ERICH3: variants seen among roughly 807,000 people sequenced by gnomAD.
ERICH3 encodes glutamate-rich protein 3.
ERICH3 carries 126 observed loss-of-function variants against 131.1 expected under a neutral mutation model. The observed-to-expected ratio is 0.96, with a 90% confidence interval of 0.83 to 1.11. The LOEUF (loss-of-function observed/expected upper bound fraction) is 1.11, where lower values mean the gene tolerates loss of function less well. Among genes scored for constraint, ERICH3 ranks in the 50% most tolerant of loss-of-function variants. ERICH3 has a pLI of 0.00. For missense variants in ERICH3, 2,050 were observed against 1,810.7 expected (o/e 1.13, Z -2.40); for synonymous variants, 695 against 644.6 (o/e 1.08, Z -1.18).
chr1:74,669,035 T>C (rs1417185089), intron 1 of ERICH3, among the ~76,000 whole-genome samples: 1 of 152,062 alleles, frequency 6.6e-6, no homozygotes, highest in Admixed American at 6.5e-5. Flanking sequence ...GGAAATAATG[T>C]GGTGGGTTTA....
chr1:74,588,346 A>C (rs1253019130), intron 12 of ERICH3, among the ~76,000 whole-genome samples: 1 of 152,120 alleles, frequency 6.6e-6, no homozygotes, highest in Non-Finnish European at 1.5e-5. Flanking sequence ...TGGTGTGCCA[A>C]GGCTTCCACT....
intron 8 of ERICH3, 35 bp from the exon 9 acceptor site, chr1:74,612,844 A>T: frequency 6.6e-7 from 1 of 1,507,374 alleles, no homozygotes; most frequent in Non-Finnish European, 9.1e-7. Flanking sequence ...AGTGAAAGCA[A>T]CTGACTTCGG....
In ERICH3 at chr1:74,588,696, C is replaced by T. The variant is rs1647448480; in HGVS notation, c.2176+935G>A. ...TGAACCAGTTCCAGGGCACAGGAGG[C>T]TAGGTGAGAGGCAAGCATCGGGCAG... On this transcript the variant is annotated intron_variant, in intron 12 of 14. Coordinates refer to ENST00000326665, the MANE Select transcript of ERICH3 (RefSeq NM_001002912.5). Among the ~76,000 whole-genome samples, 3 of 152,172 alleles carry T rather than the reference C, an allele frequency of 2.0e-5. No homozygotes were observed. The South Asian group carries it at 6.2e-4, about 32-fold the overall frequency.
At chr1:74,617,592 A>G (rs553822818) in intron 8 of ERICH3, among the ~76,000 whole-genome samples, 14 of 152,222 alleles carry the variant, frequency 9.2e-5, no homozygotes, top group Non-Finnish European at 1.9e-4. Context: ...AAAAAGACAA[A>G]AGACTACCCA....
intron 1 of ERICH3, among the ~76,000 whole-genome samples, chr1:74,650,297 T>C (rs1470976878): frequency 1.3e-5 from 2 of 152,210 alleles, no homozygotes; most frequent in African/African-American, 2.4e-5. Context: ...GTTGATTATA[T>C]GCTATACCTT....
Position 74,599,884 on chromosome 1 carries a change from A to T in ERICH3, c.1537T>A (p.Ser513Thr). The T allele has an allele frequency of 6.2e-7, 1 of 1,611,802 alleles. No homozygotes were observed. The highest frequency in any genetic ancestry group is 8.5e-7 in the Non-Finnish European group (1 of 1,178,718). Residue 513 changes from serine to threonine, a missense_variant, in exon 11 of 15, where the codon TCT (serine) becomes ACT (threonine). By Grantham distance (58) the Ser-to-Thr change is moderately conservative. Coordinates refer to ENST00000326665, the MANE Select transcript of ERICH3 (RefSeq NM_001002912.5). ...ACATCAGCCTGTCCTTCTTCATTAG[A>T]TTTTTCACCTTGTTTCTCCTCATCT... ...EVDEEKQGEKSNEEGQADVQM... is the reference protein window; with the variant it reads ...EVDEEKQGEKTNEEGQADVQM...
At chr1:74,614,923 A>T (rs543229645) in intron 8 of ERICH3, among the ~76,000 whole-genome samples, 1 of 152,148 alleles carries the variant, frequency 6.6e-6, no homozygotes, top group Non-Finnish European at 1.5e-5. Flanking sequence ...TAGAAGCTTG[A>T]GTCTACATTC....
intron 11 of ERICH3, among the ~76,000 whole-genome samples, chr1:74,596,756 G>T (rs1011032539): frequency 1.3e-5 from 2 of 152,012 alleles, no homozygotes; most frequent in Non-Finnish European, 2.9e-5. Flanking sequence ...CAACACAAAT[G>T]CAGAGAAAAG....
intron 11 of ERICH3, among the ~76,000 whole-genome samples, chr1:74,591,604 C>T (rs1570834028): frequency 1.3e-5 from 2 of 152,228 alleles, no homozygotes; most frequent in African/African-American, 2.4e-5. Context: ...GGCAGTGTGA[C>T]GACAGGGTGC....
intron 10 of ERICH3, among the ~76,000 whole-genome samples, chr1:74,600,435 C>A (rs1312357770): frequency 1.3e-5 from 2 of 151,614 alleles, no homozygotes; most frequent in African/African-American, 4.8e-5. Context: ...GTGAATAGCA[C>A]ATTATTTAAG....
intron 1 of ERICH3, among the ~76,000 whole-genome samples, chr1:74,662,459 G>GA (rs1048250600): frequency 5.3e-5 from 8 of 149,882 alleles, no homozygotes; most frequent in African/African-American, 9.8e-5. Context: ...GACTTCAACA[G>GA]AAAAAAAAAT....
chr1:74,628,980 T>A (rs1400923366), intron 7 of ERICH3, among the ~76,000 whole-genome samples: 1 of 151,790 alleles, frequency 6.6e-6, no homozygotes, highest in Non-Finnish European at 1.5e-5. Flanking sequence ...AAAATATGAG[T>A]AACATAATTA....
intron 1 of ERICH3, among the ~76,000 whole-genome samples, chr1:74,670,513 G>T (rs1040580003): frequency 6.6e-6 from 1 of 152,166 alleles, no homozygotes; most frequent in East Asian, 1.9e-4. Flanking sequence ...AAATTGTGAC[G>T]ATTTCATGAA....
At chr1:74,653,578 T>C (rs1288607621) in intron 1 of ERICH3, among the ~76,000 whole-genome samples, 1 of 152,134 alleles carries the variant, frequency 6.6e-6, no homozygotes, top group African/African-American at 2.4e-5. Context: ...ATTTTGCAGA[T>C]TACAAAGCAC....
At chr1:74,654,293 T>C (rs958071455) in intron 1 of ERICH3, among the ~76,000 whole-genome samples, 2 of 152,074 alleles carry the variant, frequency 1.3e-5, no homozygotes, top group Non-Finnish European at 2.9e-5. Context: ...TCCACATTTT[T>C]AGATATGTAT....
chr1:74,642,669 C>T lies in ERICH3; in HGVS notation c.315+358G>A, dbSNP rs1292732638. Among the ~76,000 whole-genome samples, 3 of 152,086 alleles carry T rather than the reference C, an allele frequency of 2.0e-5. No individual in the cohort carries two copies. The East Asian group carries it at 5.8e-4, about 29-fold the overall frequency. ...GTCATTGTATCATTCCTAAAAAGCC[C>T]TGTTTTCCATCAGGTTGGAAACACT... On this transcript the variant is annotated intron_variant, in intron 4 of 14. Coordinates refer to ENST00000326665, the MANE Select transcript of ERICH3 (RefSeq NM_001002912.5).
Position 74,569,462 on chromosome 1 carries a change from T to C in ERICH3, c.*996A>G, listed in dbSNP as rs1166722819. On this transcript the variant is annotated 3_prime_UTR_variant, in exon 15 of 15. Transcript: ENST00000326665. Reference sequence around the variant, plus strand: ...ACTAGAAAATAATATCAGGGAGTAATTTAGAATGCAGTTGTTACTGTTGAT... The same window carrying C: ...ACTAGAAAATAATATCAGGGAGTAACTTAGAATGCAGTTGTTACTGTTGAT... 6.6e-6 allele frequency: 1 copy of C among 152,008 alleles called. No individual in the cohort carries two copies. The highest frequency in any genetic ancestry group is 1.5e-5 in the Non-Finnish European group (1 of 68,004). 9.4% of individuals were successfully genotyped at this position (152,008 alleles called of 1,614,324 possible).
intron 11 of ERICH3, among the ~76,000 whole-genome samples, chr1:74,590,921 T>G (rs1160002390): frequency 3.3e-5 from 5 of 152,144 alleles, no homozygotes; most frequent in Non-Finnish European, 5.9e-5. Context: ...AATATTCACT[T>G]TGTTATAGAA....
rs12131196 is a variant in ERICH3, at chr1:74,571,323, C to G, written c.4387G>C (p.Asp1463His). ...GCTGCTCCTGTCTCCTGCCTCCCAT[C>G]GCCACTCCCAGTGGCTGCCTCCTGG... ...EGQEAATGSG[D>H]GRQETGAAEK... Residue 1463 changes from aspartate (D) to histidine (H), a missense_variant, in exon 14 of 15, where the codon GAT becomes CAT. By Grantham distance (81) the Asp-to-His change is moderately conservative. Transcript: ENST00000326665. The G allele has an allele frequency of 3.9e-3, 6,225 of 1,614,058 alleles. 35 individuals are homozygous for G. The highest frequency in any genetic ancestry group is 0.027 in the Admixed American group (1,605 of 60,016).
Sources: gnomAD v4.1 joint callset for allele counts (sites outside exome capture counted in the v4.1 genomes callset) on GRCh38, gnomAD v4.1.1 for gene constraint, MANE v1.5 for transcripts, NCBI Gene and HGNC (gene_info 2026-07-23, HGNC 2026-07-21) for gene names.